Variants in CREM observed in about 807,000 individuals in gnomAD.
The protein encoded by CREM is cAMP-responsive element modulator.
A neutral mutation model predicts 37.3 loss-of-function variants in CREM; 13 were observed. The observed-to-expected ratio is 0.35, with a 90% CI of 0.23 to 0.55. The LOEUF (loss-of-function observed/expected upper bound fraction) is 0.55, where lower values mean the gene tolerates loss of function less well. Among genes scored for constraint, CREM ranks in the 20% least tolerant of loss-of-function variants. The probability of loss-of-function intolerance (pLI) is 0.88; values close to 1 mark genes in which losing one functional copy is unlikely to be tolerated. For missense variants in CREM, 296 were observed against 362.3 expected (o/e 0.82, Z 1.49); for synonymous variants, 124 against 120.2 (o/e 1.03, Z -0.21).
At chr10:35,211,121 T>C in intron 7 of CREM, 133 bp from the exon 8 acceptor site, 1 of 814,718 alleles carries the variant, frequency 1.2e-6, no homozygotes, top group African/African-American at 1.7e-5. Flanking sequence ...CTGGTTATGT[T>C]TGTTATGTGG....
At chr10:35,175,647 TC>T in intron 3 of CREM, 1 of 1,611,816 alleles carries the variant, frequency 6.2e-7, no homozygotes, top group Non-Finnish European at 8.5e-7. Flanking sequence ...GAGCATGTGT[TC>T]CTTAATAAAT....
chr10:35,176,351 G>C (rs17591163), intron 3 of CREM, among the ~76,000 whole-genome samples: 43,390 of 151,478 alleles, frequency 0.29, 6,878 homozygotes, highest in South Asian at 0.35. Flanking sequence ...GAGAAGATGT[G>C]TGATAAACAC....
chr10:35,151,772 A>T (rs755479320), intron 3 of CREM, among the ~76,000 whole-genome samples: 1 of 152,188 alleles, frequency 6.6e-6, no homozygotes, highest in African/African-American at 2.4e-5. Context: ...CTTATGGATT[A>T]TTTTAGTTAA....
chr10:35,191,822 G>T (rs113777872), intron 6 of CREM, among the ~76,000 whole-genome samples: 1 of 151,954 alleles, frequency 6.6e-6, no homozygotes, highest in Non-Finnish European at 1.5e-5. Context: ...TCCCTCCCAC[G>T]CTGGCTTCAG....
chr10:35,164,886 CA>C (rs549688960), intron 3 of CREM, among the ~76,000 whole-genome samples: 2 of 151,418 alleles, frequency 1.3e-5, no homozygotes, highest in Non-Finnish European at 2.9e-5. Flanking sequence ...CCTGTCTCTA[CA>C]AAAAAATACA....
chr10:35,196,345 A>G (rs899483391), intron 6 of CREM: 2 of 511,852 alleles, frequency 3.9e-6, no homozygotes, highest in African/African-American at 3.9e-5. Flanking sequence ...CTCAGTAACA[A>G]AGAGTGATTT....
chr10:35,209,399 T>G (rs1057024214), intron 7 of CREM: 14 of 978,614 alleles, frequency 1.4e-5, no homozygotes, highest in Non-Finnish European at 1.7e-5. Flanking sequence ...CCGAGCTCAC[T>G]ATTAATAGAA....
chr10:35,210,065 T>TAA (rs111305829), intron 7 of CREM, among the ~76,000 whole-genome samples: 12 of 142,380 alleles, frequency 8.4e-5, no homozygotes, highest in East Asian at 2.0e-4. Flanking sequence ...TCAGCTATCT[T>TAA]AAAAAAAAAA....
At position 35,129,402 on chromosome 10, in the gene CREM, A is replaced by T. The variant is rs1387647567; in HGVS notation, c.-55+2209A>T. Among the ~76,000 whole-genome samples, 2 of 152,208 alleles carry T rather than the reference A, an allele frequency of 1.3e-5. 1 individual carries two copies. Among genetic ancestry groups the T allele is most frequent in the African/African-American group, 4.8e-5 (2 of 41,448 alleles). ...AGGTGAGTCACTGCCTAATCAAAAT[A>T]CAAAATCTTGCTTAGGGTTATGACC... On this transcript the variant is annotated intron_variant, in intron 1 of 7. Coordinates refer to ENST00000685392, the MANE Select transcript of CREM (RefSeq NM_183011.2).
At chr10:35,145,665 G>A (rs539121399) in intron 2 of CREM, among the ~76,000 whole-genome samples, 15 of 150,994 alleles carry the variant, frequency 9.9e-5, no homozygotes, top group African/African-American at 3.4e-4. Context: ...AGTAATCCCA[G>A]CTACGTGGGA....
chr10:35,165,843 T>A (rs957393876), intron 3 of CREM, among the ~76,000 whole-genome samples: 6 of 152,086 alleles, frequency 3.9e-5, no homozygotes, highest in African/African-American at 1.4e-4. Context: ...GCTAGGGCAC[T>A]GTTCTCAAAG....
chr10:35,157,681 T>G (rs2136250782), intron 3 of CREM, among the ~76,000 whole-genome samples: 1 of 150,356 alleles, frequency 6.7e-6, no homozygotes, highest in African/African-American at 2.4e-5. Context: ...TTTTTGCCAC[T>G]TCTATTTAGC....
intron 4 of CREM, 55 bp downstream of exon 4, chr10:35,179,041 A>T (rs766749175): frequency 6.5e-7 from 1 of 1,544,534 alleles, no homozygotes; most frequent in Non-Finnish European, 8.8e-7. Flanking sequence ...TGGTAGAATA[A>T]TTATACATCA....
At chr10:35,172,860 T>A (rs1451680937) in intron 3 of CREM, among the ~76,000 whole-genome samples, 1 of 152,222 alleles carries the variant, frequency 6.6e-6, no homozygotes, top group African/African-American at 2.4e-5. Context: ...TATTCAAACT[T>A]GAAGACATTT....
intron 3 of CREM, among the ~76,000 whole-genome samples, chr10:35,169,238 T>C (rs1276573364): frequency 6.6e-6 from 1 of 152,172 alleles, no homozygotes; most frequent in African/African-American, 2.4e-5. Context: ...GAGCATGGAA[T>C]GTTCTTCCAT....
At chr10:35,147,560 A>G (rs1935440642) in intron 2 of CREM, among the ~76,000 whole-genome samples, 1 of 152,214 alleles carries the variant, frequency 6.6e-6, no homozygotes, top group African/African-American at 2.4e-5. Flanking sequence ...TGTTTATCAG[A>G]AACGACTTAG....
chr10:35,135,950 TGTG>T (rs894092578), intron 1 of CREM, among the ~76,000 whole-genome samples: 1 of 152,020 alleles, frequency 6.6e-6, no homozygotes, highest in Non-Finnish European at 1.5e-5. Flanking sequence ...TTGGTGACCT[TGTG>T]GAGAATAGTT....
chr10:35,178,258 C>A (rs1442672385), intron 3 of CREM, among the ~76,000 whole-genome samples: 3 of 152,138 alleles, frequency 2.0e-5, no homozygotes, highest in Non-Finnish European at 4.4e-5. Flanking sequence ...AAAATGAAAT[C>A]ATGCTTAAAA....
At chr10:35,207,105 A>C in intron 7 of CREM, 54 bp downstream of exon 7, 6 of 1,569,804 alleles carry the variant, frequency 3.8e-6, no homozygotes, top group Non-Finnish European at 2.6e-6. Flanking sequence ...TAAAAATTAC[A>C]GTTTTCACCG....
Sources: gnomAD v4.1 joint callset for allele counts (sites outside exome capture counted in the v4.1 genomes callset) on GRCh38, gnomAD v4.1.1 for gene constraint, MANE v1.5 for transcripts, NCBI Gene and HGNC (gene_info 2026-07-23, HGNC 2026-07-21) for gene names.